DCDC1: variants seen among roughly 807,000 people sequenced by gnomAD.
DCDC1 encodes the protein doublecortin domain containing 1.
A neutral mutation model predicts 178.3 loss-of-function variants in DCDC1; 200 were observed. The ratio of observed to expected loss-of-function variants is 1.12; its 90% CI spans 1.00 to 1.26. The LOEUF (loss-of-function observed/expected upper bound fraction) is 1.26, where lower values mean the gene tolerates loss of function less well. Ranked by LOEUF, DCDC1 falls within the 50% of genes most tolerant of loss-of-function variation. The pLI, the probability that DCDC1 is intolerant of heterozygous loss-of-function variation, is 0.00. For missense variants in DCDC1, 1,983 were observed against 1,749.2 expected (o/e 1.13, Z -2.38); for synonymous variants, 690 against 604.8 (o/e 1.14, Z -2.07).
chr11:31,076,139 G>A, intron 18 of DCDC1, among the ~76,000 whole-genome samples: 1 of 152,140 alleles, frequency 6.6e-6, no homozygotes, highest in East Asian at 1.9e-4. Flanking sequence ...GAGTACAGGT[G>A]TGAGCCACTG....
At position 31,271,267 on chromosome 11, in the gene DCDC1, C is replaced by A. The variant is rs117373853; in HGVS notation, c.961-5667G>T. ...CAAGAGTTCCTGCTCCTATCTAAGG[C>A]CAATATTCCACTTATCCTTTCAATT... On this transcript the variant is annotated intron_variant, in intron 7 of 38. Coordinates refer to ENST00000684477, the MANE Select transcript of DCDC1 (RefSeq NM_001387274.1). 2.6e-3 allele frequency among the ~76,000 whole-genome samples: 391 copies of A among 152,304 alleles called. 3 individuals carry two copies. The highest frequency in any genetic ancestry group is 4.5e-3 in the Non-Finnish European group (304 of 68,030).
intron 21 of DCDC1, among the ~76,000 whole-genome samples, chr11:30,935,411 C>G (rs957787557): frequency 7.9e-5 from 12 of 152,198 alleles, no homozygotes; most frequent in Non-Finnish European, 1.3e-4. Flanking sequence ...ATGCTACCGT[C>G]TTCGTTACAT....
At chr11:30,957,493 T>C (rs1316060273) in intron 20 of DCDC1, among the ~76,000 whole-genome samples, 1 of 152,100 alleles carries the variant, frequency 6.6e-6, no homozygotes, top group African/African-American at 2.4e-5. Flanking sequence ...TGACAAAGGG[T>C]ATTTCCTCCT....
At chr11:31,262,976 T>A in intron 8 of DCDC1, 1 of 1,514,744 alleles carries the variant, frequency 6.6e-7, no homozygotes, top group South Asian at 1.2e-5. Flanking sequence ...TGCATTAAAA[T>A]GTGATAATAG....
chr11:30,946,065 G>A (rs565253073), intron 21 of DCDC1, among the ~76,000 whole-genome samples: 1 of 152,206 alleles, frequency 6.6e-6, no homozygotes, highest in South Asian at 2.1e-4. Context: ...CCCTGAAGAT[G>A]GTTTCTGAGT....
chr11:31,151,174 T>G (rs1965131091), intron 9 of DCDC1, among the ~76,000 whole-genome samples: 1 of 152,114 alleles, frequency 6.6e-6, no homozygotes, highest in Admixed American at 6.5e-5. Context: ...CAAAGAAAAT[T>G]GAAAAACTAG....
At chr11:30,920,585 T>A (rs548834478) in intron 25 of DCDC1, among the ~76,000 whole-genome samples, 191 bp downstream of exon 25, 1 of 152,208 alleles carries the variant, frequency 6.6e-6, no homozygotes, top group Non-Finnish European at 1.5e-5. Flanking sequence ...AATAGATCAC[T>A]GTGATGGTTG....
chr11:31,113,354 T>A (rs979368182), intron 11 of DCDC1, among the ~76,000 whole-genome samples: 1 of 152,210 alleles, frequency 6.6e-6, no homozygotes, highest in Non-Finnish European at 1.5e-5. Context: ...GTTTGTTACA[T>A]ATGTATACAT....
At chr11:31,268,380 C>T (rs942726077) in intron 7 of DCDC1, among the ~76,000 whole-genome samples, 7 of 152,180 alleles carry the variant, frequency 4.6e-5, no homozygotes, top group Non-Finnish European at 8.8e-5. Context: ...CTCCTTCCCT[C>T]CCGCTGTAGG....
At chr11:31,219,372 CA>C in intron 9 of DCDC1, among the ~76,000 whole-genome samples, 1 of 152,182 alleles carries the variant, frequency 6.6e-6, no homozygotes, top group Non-Finnish European at 1.5e-5. Flanking sequence ...GTATCAGAAT[CA>C]ACTCTAGAGC....
At chr11:31,237,962 T>C (rs948123674) in intron 9 of DCDC1, among the ~76,000 whole-genome samples, 1 of 152,098 alleles carries the variant, frequency 6.6e-6, no homozygotes, top group African/African-American at 2.4e-5. Context: ...ATATAATAGA[T>C]ACTCATTTCC....
Position 31,094,193 on chromosome 11 carries a change from T to C in DCDC1, c.1984-9A>G, listed in dbSNP as rs1377692163. The C allele has an allele frequency of 1.3e-6, 1 of 765,778 alleles. No homozygotes were observed. Among genetic ancestry groups the C allele is most frequent in the African/African-American group, 1.7e-5 (1 of 59,098 alleles). The allele number at this position is 765,778 out of a possible 1,614,324, so 47.4% of individuals were successfully genotyped here. A position where few individuals can be genotyped will look rare whatever the true frequency, so the allele number is the denominator to read the frequency against. On this transcript the variant is annotated splice_polypyrimidine_tract_variant and intron_variant, in intron 15 of 38. Coordinates refer to ENST00000684477, the MANE Select transcript of DCDC1 (RefSeq NM_001387274.1). The stretch of plus-strand genomic sequence containing the variant: ...ACAATATTGGGATCTACCTGTATCA[T>C]AAGAAGAAGTATGCATTTTTAACTC...
At chr11:31,334,852 G>A (rs1026644091) in intron 2 of DCDC1, among the ~76,000 whole-genome samples, 3 of 152,188 alleles carry the variant, frequency 2.0e-5, no homozygotes, top group African/African-American at 7.2e-5. Context: ...TAGGGTACAA[G>A]GGGGTCAGGG....
At chr11:30,996,674 C>T (rs1951290970) in intron 20 of DCDC1, among the ~76,000 whole-genome samples, 1 of 152,200 alleles carries the variant, frequency 6.6e-6, no homozygotes, top group African/African-American at 2.4e-5. Context: ...AAAAGAGCAG[C>T]CTTCACTTGA....
chr11:31,278,400 A>T (rs1004981417), intron 7 of DCDC1, among the ~76,000 whole-genome samples: 1 of 152,160 alleles, frequency 6.6e-6, no homozygotes, highest in Non-Finnish European at 1.5e-5. Flanking sequence ...TGTTAAGTGA[A>T]ATAAGCCAGG....
chr11:31,311,304 G>C lies in DCDC1; in HGVS notation c.165-3396C>G, dbSNP rs114814921. On this transcript the variant is annotated intron_variant, in intron 3 of 38. Transcript: ENST00000684477. ...AGATAGGACAGCAGGATGCACAATG[G>C]AGGTACACAGGAGGTAGGGTAATAT... Among the ~76,000 whole-genome samples, 877 of 152,266 alleles carry C rather than the reference G, an allele frequency of 5.8e-3. 12 individuals are homozygous for C. Among genetic ancestry groups the C allele is most frequent in the African/African-American group, 0.02 (844 of 41,546 alleles).
intron 29 of DCDC1, among the ~76,000 whole-genome samples, 180 bp from the exon 30 acceptor site, chr11:30,906,905 G>T (rs1261012297): frequency 6.6e-6 from 1 of 152,016 alleles, no homozygotes; most frequent in Non-Finnish European, 1.5e-5. Context: ...AAAATTTAAA[G>T]TATTTCCAAA....
intron 9 of DCDC1, among the ~76,000 whole-genome samples, chr11:31,231,703 A>C (rs542051599): frequency 6.7e-5 from 9 of 135,164 alleles, no homozygotes; most frequent in Non-Finnish European, 1.4e-4. Flanking sequence ...CTTGGAGGGA[A>C]CACAAAAAAA....
At chr11:31,084,232 G>A (rs1184360172) in intron 17 of DCDC1, among the ~76,000 whole-genome samples, 1 of 152,008 alleles carries the variant, frequency 6.6e-6, no homozygotes, top group Non-Finnish European at 1.5e-5. Flanking sequence ...TTAAGTACTA[G>A]TTCTATTATT....
Sources: gnomAD v4.1 joint callset for allele counts (sites outside exome capture counted in the v4.1 genomes callset) on GRCh38, gnomAD v4.1.1 for gene constraint, MANE v1.5 for transcripts, NCBI Gene and HGNC (gene_info 2026-07-23, HGNC 2026-07-21) for gene names.